SYN3: variants seen among roughly 807,000 people sequenced by gnomAD.
The protein encoded by SYN3 is synapsin III, also known as synapsin-3.
SYN3 carries 35 observed loss-of-function variants against 65.8 expected under a neutral mutation model. That is an observed-to-expected ratio of 0.53 (90% CI 0.41 to 0.70). SYN3 has a LOEUF of 0.70. Among genes scored for constraint, SYN3 ranks in the 30% least tolerant of loss-of-function variants. SYN3 has a pLI of 0.00. For missense variants in SYN3, 680 were observed against 749.0 expected (o/e 0.91, Z 1.08); for synonymous variants, 270 against 292.9 (o/e 0.92, Z 0.80).
chr22:32,536,804 G>A (rs1378767655), intron 9 of SYN3, among the ~76,000 whole-genome samples: 1 of 152,178 alleles, frequency 6.6e-6, no homozygotes, highest in African/African-American at 2.4e-5. Context: ...GCTGAACTTG[G>A]GTGGGCAGAG....
intron 6 of SYN3, among the ~76,000 whole-genome samples, chr22:32,796,392 T>TGCGAATGTAGCCAGAG (rs1012473595): frequency 1.3e-5 from 2 of 152,154 alleles, no homozygotes; most frequent in Non-Finnish European, 2.9e-5. Flanking sequence ...TGAGGATTCA[T>TGCGAATGTAGCCAGAG]GCGAATGTAG....
intron 4 of SYN3, among the ~76,000 whole-genome samples, chr22:32,889,722 T>A (rs1036415523): frequency 6.6e-6 from 1 of 152,128 alleles, no homozygotes; most frequent in Non-Finnish European, 1.5e-5. Flanking sequence ...AACTTTTAGA[T>A]CTTTTTATTG....
At chr22:32,991,900 C>T (rs960749901) in intron 2 of SYN3, among the ~76,000 whole-genome samples, 1 of 152,238 alleles carries the variant, frequency 6.6e-6, no homozygotes, top group African/African-American at 2.4e-5. Context: ...CCAGGCAGGC[C>T]TCCACAGGCC....
chr22:32,631,068 C>T (rs1170196939), intron 6 of SYN3, among the ~76,000 whole-genome samples: 6 of 138,772 alleles, frequency 4.3e-5, no homozygotes, highest in East Asian at 2.0e-4. Flanking sequence ...CCGAGGCGGG[C>T]GGATCACCTG....
chr22:32,563,726 A>G (rs2058619294), intron 7 of SYN3, among the ~76,000 whole-genome samples: 1 of 152,104 alleles, frequency 6.6e-6, no homozygotes, highest in Non-Finnish European at 1.5e-5. Context: ...CTGGAGTACA[A>G]TGGCTCGATC....
chr22:33,050,172 A>C (rs1004101920), intron 1 of SYN3, among the ~76,000 whole-genome samples: 1 of 152,048 alleles, frequency 6.6e-6, no homozygotes, highest in Non-Finnish European at 1.5e-5. Context: ...GTGGACCTCC[A>C]TTTTCTCAGC....
chr22:32,537,651 T>A (rs1264153131), intron 9 of SYN3, among the ~76,000 whole-genome samples: 1 of 152,194 alleles, frequency 6.6e-6, no homozygotes, highest in East Asian at 1.9e-4. Context: ...AATGCTTCCT[T>A]GCAGCTGTCA....
rs372966938 is a variant in SYN3, at chr22:32,554,569, A to C, written c.775-12856T>G. 2.0e-5 allele frequency among the ~76,000 whole-genome samples: 3 copies of C among 151,870 alleles called. No individual in the cohort carries two copies. In the South Asian group the frequency reaches 6.3e-4, roughly 32 times the overall value. On this transcript the variant is annotated intron_variant, in intron 7 of 13. Transcript: ENST00000358763. ...GGCATCCTTAGTCACCTGCTCTGTA[A>C]CCGTCCTTCCAGCCAAACTATTCAC... is the stretch of plus-strand genomic sequence containing the variant.
chr22:32,568,880 C>T (rs1466275539), intron 7 of SYN3, among the ~76,000 whole-genome samples: 3 of 152,088 alleles, frequency 2.0e-5, no homozygotes, highest in African/African-American at 7.2e-5. Flanking sequence ...CTTTGTATTG[C>T]CTGAATACTG....
At chr22:32,973,683 C>A (rs1601819267) in intron 3 of SYN3, among the ~76,000 whole-genome samples, 1 of 152,218 alleles carries the variant, frequency 6.6e-6, no homozygotes, top group East Asian at 1.9e-4. Flanking sequence ...GAGGGTGATA[C>A]TTAGCACAGA....
intron 6 of SYN3, among the ~76,000 whole-genome samples, chr22:32,742,001 C>T (rs898780046): frequency 6.6e-6 from 1 of 151,412 alleles, no homozygotes; most frequent in Non-Finnish European, 1.5e-5. Flanking sequence ...TGGCCGGGCG[C>T]GGTGGCTCAC....
chr22:32,763,942 CCCT>C (rs60730473), intron 6 of SYN3, among the ~76,000 whole-genome samples: 1,912 of 147,514 alleles, frequency 0.013, 60 homozygotes, highest in African/African-American at 0.043. Flanking sequence ...AGCCCCCCCC[CCCT>C]TTTTTTTTTT....
At chr22:32,741,696 G>T (rs1239889441) in intron 6 of SYN3, among the ~76,000 whole-genome samples, 3 of 152,006 alleles carry the variant, frequency 2.0e-5, no homozygotes, top group South Asian at 2.1e-4. Flanking sequence ...ACCAATCTGT[G>T]CCTTTCCTCA....
intron 6 of SYN3, among the ~76,000 whole-genome samples, chr22:32,733,904 G>A (rs981984599): frequency 6.6e-6 from 1 of 152,096 alleles, no homozygotes; most frequent in African/African-American, 2.4e-5. Flanking sequence ...GTCAAAGCCT[G>A]GTGGAGAGGA....
chr22:32,993,031 T>C (rs945231136), intron 2 of SYN3, among the ~76,000 whole-genome samples: 3 of 152,068 alleles, frequency 2.0e-5, no homozygotes, highest in East Asian at 1.9e-4. Flanking sequence ...GAGCAAGGAG[T>C]AGAACAAGCC....
chr22:32,533,721 GC>G (rs1461327098), intron 10 of SYN3, 71 bp downstream of exon 10: 1 of 1,054,476 alleles, frequency 9.5e-7, no homozygotes, highest in African/African-American at 1.6e-5. Context: ...CAAAGACCAT[GC>G]AGGGATTCCC....
chr22:32,627,195 G>A (rs1209821981), intron 6 of SYN3, among the ~76,000 whole-genome samples: 1 of 148,896 alleles, frequency 6.7e-6, no homozygotes, highest in Non-Finnish European at 1.5e-5. Context: ...CTGGGCATCC[G>A]AGCTGGCACG....
rs149180737 is a variant in SYN3 at position 33,007,450 on chromosome 22, C to T, written c.-162-626G>A. On this transcript the variant is annotated intron_variant, in intron 1 of 13. Transcript: ENST00000358763. ...TATTACTATGGACCGGCATGTCCCC[C>T]ACCTCACCAAATTTATATGTTGAAG... Among the ~76,000 whole-genome samples the T allele has an allele frequency of 1.0e-3, 154 of 152,230 alleles. 3 individuals are homozygous for T. In the East Asian group the frequency reaches 0.028, roughly 28 times the overall value.
chr22:32,980,597 C>A (rs370239511), intron 3 of SYN3, 48 bp downstream of exon 3: 9 of 1,564,302 alleles, frequency 5.8e-6, no homozygotes, highest in East Asian at 2.2e-5. Context: ...ACAGCCCCAG[C>A]GGCAGAAAAG....
Sources: gnomAD v4.1 joint callset for allele counts (sites outside exome capture counted in the v4.1 genomes callset) on GRCh38, gnomAD v4.1.1 for gene constraint, MANE v1.5 for transcripts, NCBI Gene and HGNC (gene_info 2026-07-23, HGNC 2026-07-21) for gene names.